MCM10: variants seen among roughly 807,000 people sequenced by gnomAD.
MCM10 encodes the protein minichromosome maintenance 10 replication initiation factor.
Under a neutral mutation model 109.9 loss-of-function variants are expected in MCM10, and 91 were observed. The ratio of observed to expected loss-of-function variants is 0.83; its 90% CI spans 0.70 to 0.99. The LOEUF (loss-of-function observed/expected upper bound fraction) is 0.99, where lower values mean the gene tolerates loss of function less well. MCM10 is among the 50% of genes least tolerant of loss of function. The probability of loss-of-function intolerance (pLI) is 0.00; values close to 1 mark genes in which losing one functional copy is unlikely to be tolerated. For missense variants in MCM10, 1,077 were observed against 1,061.2 expected (o/e 1.01, Z -0.21); for synonymous variants, 380 against 387.2 (o/e 0.98, Z 0.22).
intron 8 of MCM10, 73 bp downstream of exon 8, chr10:13,183,173 A>T (rs1834232086): frequency 1.4e-5 from 21 of 1,528,058 alleles, no homozygotes; most frequent in Non-Finnish European, 1.7e-5. Flanking sequence ...AAGATGTTTG[A>T]TGCAGCACAC....
chr10:13,185,697 G>A (rs1475125698), intron 8 of MCM10, among the ~76,000 whole-genome samples: 2 of 152,172 alleles, frequency 1.3e-5, no homozygotes, highest in African/African-American at 2.4e-5. Context: ...AGAACTGAAG[G>A]TGCCTTCTGC....
At chr10:13,190,921 G>A (rs1046827648) in intron 10 of MCM10, among the ~76,000 whole-genome samples, 4 of 152,124 alleles carry the variant, frequency 2.6e-5, no homozygotes, top group South Asian at 4.1e-4. Flanking sequence ...GTGGGTGAAC[G>A]TTAATGGTGT....
chr10:13,176,366 T>A (rs1834141268), intron 6 of MCM10, among the ~76,000 whole-genome samples: 1 of 152,208 alleles, frequency 6.6e-6, no homozygotes, highest in Admixed American at 6.5e-5. Flanking sequence ...TTATCTATAC[T>A]CTGTATCACT....
intron 2 of MCM10, among the ~76,000 whole-genome samples, chr10:13,165,199 A>G (rs995754623): frequency 1.3e-5 from 2 of 152,184 alleles, no homozygotes; most frequent in Non-Finnish European, 2.9e-5. Flanking sequence ...ACAGTGAGAG[A>G]TGAACAACAA....
At chr10:13,188,783 G>A in intron 9 of MCM10, 98 bp from the exon 10 acceptor site, 19 of 1,053,146 alleles carry the variant, frequency 1.8e-5, no homozygotes, top group East Asian at 7.1e-5. Flanking sequence ...CTCTGCATGC[G>A]TCATGTTCCG....
At chr10:13,189,307 C>A (rs1834317391) in intron 10 of MCM10, among the ~76,000 whole-genome samples, 1 of 151,832 alleles carries the variant, frequency 6.6e-6, no homozygotes, top group Non-Finnish European at 1.5e-5. Context: ...TTAAGAGAGC[C>A]CACTCTTCCT....
chr10:13,196,518 A>T (rs1315618599), intron 14 of MCM10, among the ~76,000 whole-genome samples: 1 of 151,872 alleles, frequency 6.6e-6, no homozygotes, highest in African/African-American at 2.4e-5. Context: ...ATTTATTTAT[A>T]TATATATTTT....
In MCM10 at chr10:13,164,227, T is replaced by A; in HGVS notation, c.7+18T>A. ...CATGGATGGTAAGACCTGGCAGTTT[T>A]CTGTTACTCTGTTTCAAGGAAAACT... On this transcript the variant is annotated intron_variant, in intron 2 of 19. Coordinates refer to ENST00000378714, the MANE Select transcript of MCM10 (RefSeq NM_018518.5). The A allele has an allele frequency of 6.3e-7, 1 of 1,594,196 alleles. No homozygotes were observed. The highest frequency in any genetic ancestry group is 1.7e-4 in the Middle Eastern group (1 of 5,970).
Position 13,174,904 on chromosome 10 carries a change from G to A in MCM10, c.593-606G>A, listed in dbSNP as rs200740353. On this transcript the variant is annotated intron_variant, in intron 5 of 19. Transcript: ENST00000378714. The stretch of plus-strand genomic sequence containing the variant: ...AGCACTTTAGGAGGCTGAGGCAGGC[G>A]GATCACCTGAGGTCGGGAGTTCGAG... Among the ~76,000 whole-genome samples, 8 of 152,290 alleles carry A rather than the reference G, an allele frequency of 5.3e-5. No homozygotes were observed. The East Asian group carries it at 1.5e-3, about 29-fold the overall frequency.
chr10:13,177,508 CTTTTTTTTTTTTTT>C (rs60316855), intron 6 of MCM10, among the ~76,000 whole-genome samples: 1 of 105,266 alleles, frequency 9.5e-6, no homozygotes, highest in African/African-American at 4.1e-5. Context: ...GATTTTGGAG[CTTTTTTTTTTTTTT>C]TTTTTTTTTA....
At chr10:13,200,646 GCACCCACATTCTGC>G (rs1834485682) in intron 16 of MCM10, among the ~76,000 whole-genome samples, 1 of 152,196 alleles carries the variant, frequency 6.6e-6, no homozygotes, top group Non-Finnish European at 1.5e-5. Context: ...TCCCATCGCT[GCACCCACATTCTGC>G]CACAAGCATC....
At chr10:13,201,585 T>C (rs1191575421) in intron 17 of MCM10, 51 bp downstream of exon 17, 1 of 1,326,098 alleles carries the variant, frequency 7.5e-7, no homozygotes, top group East Asian at 2.5e-5. Flanking sequence ...GTGGTGCTTT[T>C]GTGACTCGGC....
chr10:13,173,506 A>G (rs768292572), intron 5 of MCM10, among the ~76,000 whole-genome samples: 2 of 152,226 alleles, frequency 1.3e-5, no homozygotes, highest in Non-Finnish European at 2.9e-5. Flanking sequence ...AACAGCAGTG[A>G]AAAGGCTTTC....
chr10:13,188,793 G>C (rs150503098), intron 9 of MCM10, 88 bp from the exon 10 acceptor site: 285 of 1,149,418 alleles, frequency 2.5e-4, no homozygotes, highest in Admixed American at 1.1e-3. Context: ...GTCATGTTCC[G>C]GGAAGTGGGG....
intron 2 of MCM10, among the ~76,000 whole-genome samples, chr10:13,164,656 A>G (rs1833970977): frequency 6.6e-6 from 1 of 152,250 alleles, no homozygotes; most frequent in South Asian, 2.1e-4. Context: ...TCTAGCTCTG[A>G]CTTAAGTTTT....
chr10:13,171,637 T>C (rs958515195), intron 3 of MCM10, among the ~76,000 whole-genome samples: 3 of 152,252 alleles, frequency 2.0e-5, no homozygotes, highest in African/African-American at 7.2e-5. Flanking sequence ...TTGACACATG[T>C]TCTTTTCTCA....
chr10:13,176,817 C>A (rs1482886680), intron 6 of MCM10, among the ~76,000 whole-genome samples: 1 of 152,132 alleles, frequency 6.6e-6, no homozygotes, highest in Non-Finnish European at 1.5e-5. Flanking sequence ...TCGCTTGAGC[C>A]CAGGAGTTCA....
At chr10:13,166,290 G>C (rs984536420) in intron 2 of MCM10, among the ~76,000 whole-genome samples, 11 of 152,094 alleles carry the variant, frequency 7.2e-5, no homozygotes, top group African/African-American at 2.7e-4. Flanking sequence ...GATACGTTCA[G>C]AGTTGGGAGT....
At chr10:13,163,857 T>A (rs963562470) in intron 1 of MCM10, among the ~76,000 whole-genome samples, 1 of 152,118 alleles carries the variant, frequency 6.6e-6, no homozygotes, top group African/African-American at 2.4e-5. Flanking sequence ...TCCTCATAAT[T>A]TATCTCATCC....
Sources: gnomAD v4.1 joint callset for allele counts (sites outside exome capture counted in the v4.1 genomes callset) on GRCh38, gnomAD v4.1.1 for gene constraint, MANE v1.5 for transcripts, NCBI Gene and HGNC (gene_info 2026-07-23, HGNC 2026-07-21) for gene names.